Variants in H1-8 observed in about 807,000 individuals in gnomAD.
H1-8 encodes histone H1.8.
A neutral mutation model predicts 19.5 loss-of-function variants in H1-8; 13 were observed. That is an observed-to-expected ratio of 0.67 (90% CI 0.43 to 1.06). H1-8 has a LOEUF of 1.06. Among genes scored for constraint, H1-8 ranks in the 50% least tolerant of loss-of-function variants. H1-8 has a pLI of 0.00. For synonymous variants in H1-8, 193 were observed against 187.6 expected (o/e 1.03, Z -0.24); for missense variants, 432 against 459.8 (o/e 0.94, Z 0.55).
At chr3:129,548,228 C>A in intron 2 of H1-8, 3 of 639,862 alleles carry the variant, frequency 4.7e-6, no homozygotes, top group South Asian at 7.0e-5. Flanking sequence ...CTGCATCTTG[C>A]CTAACTTCCT....
rs145752182 is a variant in H1-8 at position 129,549,225 on chromosome 3, C to T, written c.603C>T (p.Gly201=). The T allele has an allele frequency of 8.2e-5, 129 of 1,578,712 alleles. No individual in the cohort carries two copies. Among genetic ancestry groups the T allele is most frequent in the African/African-American group, 2.7e-4 (20 of 74,688 alleles). ...CCACAGAGAAGGCTCGCAAGCAAGG[C>T]GGCGCGGCCAAGGACACCAGGGCAC... ...GAATEKARKQ[G]GAAKDTRAQS... is the part of the protein sequence containing the mutation. The change falls in exon 3 of 5, where the codon GGC becomes GGT. Residue 201 remains glycine (G), a synonymous_variant. Coordinates refer to ENST00000324382, the MANE Select transcript of H1-8 (RefSeq NM_153833.3).
At chr3:129,550,970 C>G in intron 4 of H1-8, 137 bp from the exon 5 acceptor site, 1 of 959,894 alleles carries the variant, frequency 1.0e-6, no homozygotes, top group South Asian at 1.6e-5. Flanking sequence ...CCCTGGCACC[C>G]TGGGGGTGTT....
rs534343970 is a variant in H1-8, at chr3:129,543,365, T to C, written c.88+59T>C. The C allele has an allele frequency of 3.8e-5, 47 of 1,249,600 alleles. No individual in the cohort carries two copies. The African/African-American group carries it at 6.5e-4, about 17-fold the overall frequency. 77.4% of individuals were successfully genotyped at this position (1,249,600 alleles called of 1,614,324 possible). A position where few individuals can be genotyped will look rare whatever the true frequency, so the allele number is the denominator to read the frequency against. Reference sequence around the variant, plus strand: ...TGCGAGCCCACTCCCTGGGTTGCCTTTGATGCTCCACCCCTGCTTCTCGTT... The same window carrying C: ...TGCGAGCCCACTCCCTGGGTTGCCTCTGATGCTCCACCCCTGCTTCTCGTT... On this transcript the variant is annotated intron_variant, in intron 1 of 4. Transcript: ENST00000324382.
chr3:129,549,584 C>T (rs900847340), intron 3 of H1-8, among the ~76,000 whole-genome samples: 1 of 147,332 alleles, frequency 6.8e-6, no homozygotes, highest in African/African-American at 2.7e-5. Flanking sequence ...AGGAGACTGA[C>T]TCATTCTTGA....
rs1560053294 is a variant in H1-8, at chr3:129,551,467, A to G, written c.*127A>G. On this transcript the variant is annotated 3_prime_UTR_variant, in exon 5 of 5. Transcript: ENST00000324382. Reference sequence around the variant, plus strand: ...AGACTTTTGTTTCTTTTTCCTCACAATTGGTGTGGGTAGAGGCTGAGGTTC... The same window carrying G: ...AGACTTTTGTTTCTTTTTCCTCACAGTTGGTGTGGGTAGAGGCTGAGGTTC... The G allele has an allele frequency of 8.5e-6, 6 of 703,622 alleles. No homozygotes were observed. Among genetic ancestry groups the G allele is most frequent in the Non-Finnish European group, 1.2e-5 (5 of 419,598 alleles). 43.6% of individuals were successfully genotyped at this position (703,622 alleles called of 1,614,324 possible). A position where few individuals can be genotyped will look rare whatever the true frequency, so the allele number is the denominator to read the frequency against.
intron 3 of H1-8, 145 bp downstream of exon 3, chr3:129,549,509 T>TC (rs2084918110): frequency 1.0e-6 from 1 of 960,918 alleles, no homozygotes; most frequent in Non-Finnish European, 1.5e-6. Flanking sequence ...GAGAGAGAAC[T>TC]CATGGTAGCT....
Position 129,551,354 on chromosome 3 carries a change from G to A in H1-8, c.*14G>A. On this transcript the variant is annotated 3_prime_UTR_variant, in exon 5 of 5. Transcript: ENST00000324382. ...GCTGAAGCTTAGGGCCAGAGGCAGGGGCGGAGAGAGACCGAGCCTCTGCCC... is the reference window on the plus strand; with the variant it reads ...GCTGAAGCTTAGGGCCAGAGGCAGGAGCGGAGAGAGACCGAGCCTCTGCCC... The A allele has an allele frequency of 6.4e-7, 1 of 1,563,358 alleles. No individual in the cohort carries two copies. The highest frequency in any genetic ancestry group is 8.8e-7 in the Non-Finnish European group (1 of 1,142,072).
chr3:129,551,323 CA>C lies in H1-8; in HGVS notation c.1025del (p.Gln342ArgfsTer?). ...GGCCTCATCATCCAAAGTGTCCAGC[CA>C]GAGGGCTGAAGCTTAGGGCCAGAGG... ...IKASSSKVSS[Q>X]RAEA On this transcript the variant is annotated frameshift_variant, in exon 5 of 5. Coordinates refer to ENST00000324382, the MANE Select transcript of H1-8 (RefSeq NM_153833.3). LOFTEE classifies it high-confidence loss of function. 1 of 1,613,214 alleles carries C rather than the reference CA, an allele frequency of 6.2e-7. No individual in the cohort carries two copies. The highest frequency in any genetic ancestry group is 8.5e-7 in the Non-Finnish European group (1 of 1,179,686).
At chr3:129,545,023 G>GT (rs1386348531) in intron 1 of H1-8, among the ~76,000 whole-genome samples, 49 of 145,718 alleles carry the variant, frequency 3.4e-4, no homozygotes, top group African/African-American at 8.3e-4. Flanking sequence ...GAGTTTCATG[G>GT]TTTTTTTTTT....
chr3:129,549,496 GGA>G, intron 3 of H1-8, 132 bp downstream of exon 3: 1 of 1,089,544 alleles, frequency 9.2e-7, no homozygotes, highest in Non-Finnish European at 1.3e-6. Context: ...GGCTTGACCT[GGA>G]GAGAGAGAAC....
rs1329360358 is a variant in H1-8, at chr3:129,543,276, T to A, written c.58T>A (p.Ser20Thr). The stretch of plus-strand genomic sequence containing the variant: ...ACCCTCCTCGACTTCCACAGCAGGA[T>A]CATCCAGGTCTCCTGAATCTGAAAA... ...ISPSSTSTAGSSRSPESEKPG... is the reference protein window; with the variant it reads ...ISPSSTSTAGTSRSPESEKPG... The change falls in exon 1 of 5, where the codon TCA (serine) becomes ACA (threonine). Residue 20 changes from serine (S) to threonine (T), a missense_variant. Physicochemically the swap from Ser to Thr is moderately conservative, Grantham distance 58 (BLOSUM62 1). Coordinates refer to ENST00000324382, the MANE Select transcript of H1-8 (RefSeq NM_153833.3). The A allele has an allele frequency of 3.1e-6, 5 of 1,613,592 alleles. No homozygotes were observed. The highest frequency in any genetic ancestry group is 1.3e-5 in the African/African-American group (1 of 74,914).
chr3:129,551,189 C>A lies in H1-8; in HGVS notation c.890C>A (p.Thr297Asn). 6.2e-7 allele frequency: 1 copy of A among 1,614,250 alleles called. No homozygotes were observed. The highest frequency in any genetic ancestry group is 1.7e-5 in the Admixed American group (1 of 60,032). The change falls in exon 5 of 5, where the codon ACC (threonine) becomes AAC (asparagine). Residue 297 changes from threonine (T) to asparagine (N), a missense_variant. By Grantham distance (65) the Thr-to-Asn change is moderately conservative. Transcript: ENST00000324382. ...CCTAAAGCTGGGCAGGGGCCAAACA[C>A]CAAGGCTGCTGCTCCTGCTAAGGGC... ...KAPKAGQGPNTKAAAPAKGSG... is the reference protein window; with the variant it reads ...KAPKAGQGPNNKAAAPAKGSG...
intron 2 of H1-8, among the ~76,000 whole-genome samples, chr3:129,548,724 C>T (rs2084908997): frequency 6.7e-6 from 1 of 150,292 alleles, no homozygotes; most frequent in African/African-American, 2.4e-5. Flanking sequence ...GGGCATGAGG[C>T]AGGGCAGCGC....
At chr3:129,549,506 A>G in intron 3 of H1-8, 142 bp downstream of exon 3, 1 of 992,352 alleles carries the variant, frequency 1.0e-6, no homozygotes, top group Non-Finnish European at 1.4e-6. Context: ...GGAGAGAGAG[A>G]ACTCATGGTA....
chr3:129,545,260 C>T (rs796628196), intron 1 of H1-8, among the ~76,000 whole-genome samples: 3 of 152,004 alleles, frequency 2.0e-5, no homozygotes, highest in East Asian at 1.9e-4. Context: ...CGAGGTCTCA[C>T]GATATTGCCC....
intron 2 of H1-8, among the ~76,000 whole-genome samples, chr3:129,548,632 G>A (rs753240759): frequency 2.0e-5 from 3 of 152,172 alleles, no homozygotes; most frequent in South Asian, 2.1e-4. Flanking sequence ...CTGGAGGAGG[G>A]CGGAGGAAGC....
intron 1 of H1-8, among the ~76,000 whole-genome samples, chr3:129,546,217 C>G (rs1479541072): frequency 6.6e-6 from 1 of 151,838 alleles, no homozygotes; most frequent in African/African-American, 2.4e-5. Context: ...CCAGCTACTT[C>G]GGAGACTGAG....
At chr3:129,544,999 T>C (rs1305179878) in intron 1 of H1-8, among the ~76,000 whole-genome samples, 2 of 151,760 alleles carry the variant, frequency 1.3e-5, no homozygotes, top group Non-Finnish European at 2.9e-5. Context: ...CTTTATAATT[T>C]TGCTCTAGAT....
intron 1 of H1-8, 95 bp from the exon 2 acceptor site, chr3:129,547,290 TCTGATC>T (rs2084895706): frequency 8.0e-7 from 1 of 1,251,044 alleles, no homozygotes; most frequent in Admixed American, 2.9e-5. Flanking sequence ...GAGGGGGGCA[TCTGATC>T]CTTGCTGGAC....
Sources: gnomAD v4.1 joint callset for allele counts (sites outside exome capture counted in the v4.1 genomes callset) on GRCh38, gnomAD v4.1.1 for gene constraint, MANE v1.5 for transcripts, NCBI Gene and HGNC (gene_info 2026-07-23, HGNC 2026-07-21) for gene names.